The following IDH3B variants were observed in gnomAD, a reference collection of about 807,000 sequenced individuals.
IDH3B encodes isocitrate dehydrogenase (NAD(+)) 3 non-catalytic subunit beta.
In IDH3B, 40 loss-of-function variants were observed where a neutral mutation model predicts 47.5. The observed-to-expected ratio is 0.84, with a 90% CI of 0.65 to 1.10. IDH3B has a LOEUF of 1.10. IDH3B is among the 50% of genes least tolerant of loss of function. IDH3B has a pLI of 0.00. For synonymous variants in IDH3B, 185 were observed against 191.0 expected (o/e 0.97, Z 0.26); for missense variants, 450 against 505.2 (o/e 0.89, Z 1.05).
rs1352126632 is a variant in IDH3B at position 2,658,556 on chromosome 20, T to A, written c.*195A>T. 1 of 1,613,310 alleles carries A rather than the reference T, an allele frequency of 6.2e-7. No homozygotes were observed. The highest frequency in any genetic ancestry group is 8.5e-7 in the Non-Finnish European group (1 of 1,179,628). Reference sequence around the variant, plus strand: ...GAGAATCATCATCATCCATGTGGCCTGGGCTCCATCCTAACAATCCCCATC... The same window carrying A: ...GAGAATCATCATCATCCATGTGGCCAGGGCTCCATCCTAACAATCCCCATC... On this transcript the variant is annotated 3_prime_UTR_variant, in exon 12 of 12. Coordinates refer to ENST00000380843, the MANE Select transcript of IDH3B (RefSeq NM_006899.5).
rs370512508 is a variant in IDH3B, at chr20:2,659,985, C to T, written c.915+45G>A. 25 of 1,612,578 alleles carry T rather than the reference C, an allele frequency of 1.6e-5. 1 individual carries two copies. In the African/African-American group the frequency reaches 2.7e-4, roughly 17 times the overall value. On this transcript the variant is annotated intron_variant, in intron 9 of 11. Coordinates refer to ENST00000380843, the MANE Select transcript of IDH3B (RefSeq NM_006899.5). ...AGATATTGGGATGGGAGAGGAATGG[C>T]GGACTTGAGGTCAGAGGAAGGGCCG...
Position 2,660,374 on chromosome 20 carries a change from G to T in IDH3B, c.666-9C>A. Reference sequence around the variant, plus strand: ...ACCCATCCCCAAGTTTCCTGTCCATGGGCCAAAGGGGACAGAATCAGCCAA... The same window carrying T: ...ACCCATCCCCAAGTTTCCTGTCCATTGGCCAAAGGGGACAGAATCAGCCAA... On this transcript the variant is annotated splice_polypyrimidine_tract_variant and intron_variant, in intron 7 of 11. Transcript: ENST00000380843. This position sits in a 1 kb window ranked among gnomAD's most constrained non-coding sequence, Gnocchi z 5.6. 2 of 1,613,898 alleles carry T rather than the reference G, an allele frequency of 1.2e-6. No individual in the cohort carries two copies. Among genetic ancestry groups the T allele is most frequent in the Non-Finnish European group, 1.7e-6 (2 of 1,179,956 alleles).
In IDH3B at chr20:2,658,735, GAAGA is replaced by G; in HGVS notation, c.*12_*15del. 1.2e-6 allele frequency: 2 copies of G among 1,614,180 alleles called. No homozygotes were observed. The highest frequency in any genetic ancestry group is 1.7e-6 in the Non-Finnish European group (2 of 1,180,038). ...GGGGAGTGTGGTCCTTGCAAGGTTG[GAAGA>G]AATAAAGGGCTCTAGCTCCCTTTAG... On this transcript the variant is annotated 3_prime_UTR_variant, in exon 12 of 12. Transcript: ENST00000380843.
Position 2,658,737 on chromosome 20 carries a change from A to T in IDH3B, c.*14T>A. ...GGAGTGTGGTCCTTGCAAGGTTGGA[A>T]GAAATAAAGGGCTCTAGCTCCCTTT... is the stretch of plus-strand genomic sequence containing the variant. On this transcript the variant is annotated 3_prime_UTR_variant, in exon 12 of 12. Coordinates refer to ENST00000380843, the MANE Select transcript of IDH3B (RefSeq NM_006899.5). 1.9e-6 allele frequency: 3 copies of T among 1,614,184 alleles called. No individual in the cohort carries two copies. The highest frequency in any genetic ancestry group is 2.5e-6 in the Non-Finnish European group (3 of 1,180,032).
intron 4 of IDH3B, among the ~76,000 whole-genome samples, chr20:2,662,688 C>T (rs191723452): frequency 1.3e-5 from 2 of 152,156 alleles, no homozygotes; most frequent in East Asian, 1.9e-4. Flanking sequence ...GGCATGGTGG[C>T]TCACACTTGT....
intron 1 of IDH3B, 51 bp downstream of exon 1, chr20:2,664,102 A>T (rs559351696): frequency 6.2e-7 from 1 of 1,608,140 alleles, no homozygotes; most frequent in South Asian, 1.1e-5. Context: ...ACCCTAGGAC[A>T]AACTCTCCGC....
At chr20:2,661,047 T>G (rs2086938229) in intron 4 of IDH3B, 78 bp from the exon 5 acceptor site, 1 of 1,229,054 alleles carries the variant, frequency 8.1e-7, no homozygotes, top group African/African-American at 1.5e-5. Context: ...CTAACCCCCT[T>G]AGGAACATCA....
chr20:2,658,822 TGTCTCGA>T lies in IDH3B; in HGVS notation c.1080_1086del (p.Arg361TrpfsTer65), dbSNP rs745845397. The T allele has an allele frequency of 1.2e-6, 2 of 1,613,970 alleles. No individual in the cohort carries two copies. The highest frequency in any genetic ancestry group is 2.7e-5 in the African/African-American group (2 of 74,874). On this transcript the variant is annotated frameshift_variant, in exon 12 of 12. Coordinates refer to ENST00000380843, the MANE Select transcript of IDH3B (RefSeq NM_006899.5). LOFTEE classifies it high-confidence loss of function. ...TCGGTTGTGGTGCTGTAGCCGCCCATGTCTCGAGTCCGCACCTACAGCCACCACCGGC... is the reference window on the plus strand; with the variant it reads ...TCGGTTGTGGTGCTGTAGCCGCCCATGTCCGCACCTACAGCCACCACCGGC...
rs1366961773 is a variant in IDH3B, at chr20:2,658,693, A to C, written c.*58T>G. ...AGGCACAAGGTCTCTTCCCTGGTAC[A>C]CTGCACTGAAGGGTATGGGGAGTGT... On this transcript the variant is annotated 3_prime_UTR_variant, in exon 12 of 12. Coordinates refer to ENST00000380843, the MANE Select transcript of IDH3B (RefSeq NM_006899.5). 1 of 1,614,170 alleles carries C rather than the reference A, an allele frequency of 6.2e-7. No homozygotes were observed. Among genetic ancestry groups the C allele is most frequent in the African/African-American group, 1.3e-5 (1 of 75,054 alleles).
intron 4 of IDH3B, among the ~76,000 whole-genome samples, chr20:2,661,847 T>C (rs2146314633): frequency 6.6e-6 from 1 of 152,334 alleles, no homozygotes; most frequent in South Asian, 2.1e-4. Flanking sequence ...CAGCCATGCC[T>C]TGAGCCCCAG....
chr20:2,659,657 C>T (rs1743510909), intron 10 of IDH3B, 42 bp downstream of exon 10: 1 of 1,609,266 alleles, frequency 6.2e-7, no homozygotes, highest in Non-Finnish European at 8.5e-7. Flanking sequence ...CCTGCTCCTC[C>T]TCACGACACC....
intron 4 of IDH3B, among the ~76,000 whole-genome samples, chr20:2,663,130 G>A (rs1158586776): frequency 1.3e-5 from 2 of 148,778 alleles, no homozygotes; most frequent in African/African-American, 2.6e-5. Context: ...AAACAAAGAG[G>A]AAGGAAGGGA....
chr20:2,661,131 G>A (rs1324811982), intron 4 of IDH3B, among the ~76,000 whole-genome samples, 162 bp from the exon 5 acceptor site: 6 of 152,302 alleles, frequency 3.9e-5, no homozygotes, highest in African/African-American at 1.2e-4. Flanking sequence ...AGGGACAAAA[G>A]AGAATAATGT....
In IDH3B at chr20:2,661,177, C is replaced by CTGTGTG. The variant is rs71329398; in HGVS notation, c.338-214_338-209dup. Among the ~76,000 whole-genome samples, 588 of 150,152 alleles carry CTGTGTG rather than the reference C, an allele frequency of 3.9e-3. 3 individuals are homozygous for CTGTGTG. The highest frequency in any genetic ancestry group is 8.3e-3 in the African/African-American group (338 of 40,908). ...AGAAACATTTCATCTATTGCATTTT[C>CTGTGTG]TGTGTGTGTGTGTGTGTGTGTGTGT... On this transcript the variant is annotated intron_variant, in intron 4 of 11. Transcript: ENST00000380843.
intron 4 of IDH3B, among the ~76,000 whole-genome samples, chr20:2,662,213 C>G (rs1012912288): frequency 6.6e-6 from 1 of 152,134 alleles, no homozygotes; most frequent in East Asian, 1.9e-4. Flanking sequence ...GAAACTAATA[C>G]AGTGAATGAG....
Position 2,664,135 on chromosome 20 carries a change from C to A in IDH3B, c.36+18G>T. ...CGCTCCTTCGCCCGCCCCTGCCCGA[C>A]ATGTCCCGGGGCCTCACTCGGGTCA... On this transcript the variant is annotated intron_variant, in intron 1 of 11. Coordinates refer to ENST00000380843, the MANE Select transcript of IDH3B (RefSeq NM_006899.5). 2 of 1,612,970 alleles carry A rather than the reference C, an allele frequency of 1.2e-6. No homozygotes were observed. Among genetic ancestry groups the A allele is most frequent in the Non-Finnish European group, 1.7e-6 (2 of 1,179,582 alleles).
Position 2,659,178 on chromosome 20 carries a change from G to A in IDH3B, c.1072-341C>T, listed in dbSNP as rs781249753. On this transcript the variant is annotated intron_variant, in intron 11 of 11. Transcript: ENST00000380843. ...TCACAGCGAAAAGGAGATGGGGCGTGAAGGTGAAGCTGATGCTTCAGCCTG... is the reference window on the plus strand; with the variant it reads ...TCACAGCGAAAAGGAGATGGGGCGTAAAGGTGAAGCTGATGCTTCAGCCTG... 333 of 1,200,616 alleles carry A rather than the reference G, an allele frequency of 2.8e-4. 1 individual carries two copies. Among genetic ancestry groups the A allele is most frequent in the Non-Finnish European group, 3.3e-4 (319 of 976,348 alleles). 74.4% of individuals were successfully genotyped at this position (1,200,616 alleles called of 1,614,324 possible). A position where few individuals can be genotyped will look rare whatever the true frequency, so the allele number is the denominator to read the frequency against.
At chr20:2,661,007 G>A (rs376578502) in intron 4 of IDH3B, 38 bp from the exon 5 acceptor site, 39 of 1,596,382 alleles carry the variant, frequency 2.4e-5, no homozygotes, top group Non-Finnish European at 3.2e-5. Context: ...GTCAGCCACA[G>A]GCCAAGCCCA....
Position 2,660,422 on chromosome 20 carries a change from C to G in IDH3B, c.665+35G>C. The G allele has an allele frequency of 6.2e-7, 1 of 1,614,084 alleles. No individual in the cohort carries two copies. Among genetic ancestry groups the G allele is most frequent in the East Asian group, 2.2e-5 (1 of 44,872 alleles). On this transcript the variant is annotated intron_variant, in intron 7 of 11. Transcript: ENST00000380843. The surrounding 1 kb of genome is among the most constrained non-coding windows in gnomAD (Gnocchi z 5.6). ...CAAGAAAGTACAGGGGCTACCTTCCCAGGAACCCATCCTACACAAAGCCAT... is the reference window on the plus strand; with the variant it reads ...CAAGAAAGTACAGGGGCTACCTTCCGAGGAACCCATCCTACACAAAGCCAT...
Sources: gnomAD v4.1 joint callset for allele counts (sites outside exome capture counted in the v4.1 genomes callset) on GRCh38, gnomAD v4.1.1 for gene constraint, Gnocchi (gnomAD v3.1) non-coding constraint, MANE v1.5 for transcripts, NCBI Gene and HGNC (gene_info 2026-07-23, HGNC 2026-07-21) for gene names.